ZNF462: variants seen among roughly 807,000 people sequenced by gnomAD.
ZNF462 encodes zinc finger PBX1-interacting protein.
ZNF462 carries 10 observed loss-of-function variants against 201.9 expected under a neutral mutation model. That is an observed-to-expected ratio of 0.05 (90% CI 0.03 to 0.08). ZNF462 has a LOEUF of 0.08. Among genes scored for constraint, ZNF462 ranks in the 10% least tolerant of loss-of-function variants. The pLI is 1.00. For synonymous variants in ZNF462, 1,227 were observed against 1,193.3 expected (o/e 1.03, Z -0.58); for missense variants, 2,523 against 3,168.3 (o/e 0.80, Z 4.89).
chr9:106,898,824 G>A (rs1247782344), intron 1 of ZNF462, among the ~76,000 whole-genome samples: 3 of 152,116 alleles, frequency 2.0e-5, no homozygotes, highest in Non-Finnish European at 4.4e-5. Context: ...GGTTGTTGCT[G>A]ACCATGATGA....
intron 7 of ZNF462, among the ~76,000 whole-genome samples, chr9:106,949,719 ATTCTT>A (rs1245585568): frequency 4.6e-5 from 7 of 151,990 alleles, no homozygotes; most frequent in African/African-American, 1.7e-4. Flanking sequence ...CTTTTGGAGT[ATTCTT>A]TTGTCTTCCT....
intron 10 of ZNF462, among the ~76,000 whole-genome samples, chr9:106,996,732 T>C (rs138003631): frequency 0.022 from 3,383 of 152,266 alleles, 139 homozygotes; most frequent in African/African-American, 0.076. Flanking sequence ...GTCAGATGGG[T>C]AGATTGTAAA....
rs532577551 is a variant in ZNF462, at chr9:106,890,440, C to G, written c.-31+27085C>G. Among the ~76,000 whole-genome samples the G allele has an allele frequency of 7.9e-5, 12 of 152,324 alleles. No individual in the cohort carries two copies. The South Asian group carries it at 2.3e-3, about 29-fold the overall frequency. On this transcript the variant is annotated intron_variant, in intron 1 of 12. Transcript: ENST00000277225. This position sits in a 1 kb window ranked among gnomAD's most constrained non-coding sequence, Gnocchi z 4.2. Reference sequence around the variant, plus strand: ...GAGTCCTTTTTGGGCATACAAAAATCTAGCACTTGAAGCCACTTAATCAAA... The same window carrying G: ...GAGTCCTTTTTGGGCATACAAAAATGTAGCACTTGAAGCCACTTAATCAAA...
rs1356174232 is a variant in ZNF462, at chr9:106,932,366, T to C, written c.6013-80T>C. The C allele has an allele frequency of 1.2e-6, 2 of 1,601,122 alleles. No individual in the cohort carries two copies. The highest frequency in any genetic ancestry group is 1.1e-5 in the South Asian group (1 of 89,276). On this transcript the variant is annotated intron_variant, in intron 4 of 12. Coordinates refer to ENST00000277225, the MANE Select transcript of ZNF462 (RefSeq NM_021224.6). The surrounding 1 kb of genome is among the most constrained non-coding windows in gnomAD (Gnocchi z 6.8). The stretch of plus-strand genomic sequence containing the variant: ...CGGGTGGATGGTGAACACTGCTTGC[T>C]TGATGGAATGTTGGAGGATGAAACC...
intron 1 of ZNF462, among the ~76,000 whole-genome samples, chr9:106,881,922 A>G (rs560830033): frequency 6.6e-6 from 1 of 152,158 alleles, no homozygotes; most frequent in South Asian, 2.1e-4. Context: ...TTTTGTTTTG[A>G]CTATTGCTAC....
intron 9 of ZNF462, among the ~76,000 whole-genome samples, chr9:106,983,974 A>G (rs564778615): frequency 5.3e-5 from 8 of 152,138 alleles, no homozygotes; most frequent in African/African-American, 1.9e-4. Flanking sequence ...TAAGTACACA[A>G]AGAGCTTTTG....
In ZNF462 at chr9:106,924,845, G is replaced by A; in HGVS notation, c.933G>A (p.Glu311=). Residue 311 remains glutamate, a synonymous_variant, in exon 3 of 13, where the codon GAG becomes GAA. Transcript: ENST00000277225. This position sits in a 1 kb window ranked among gnomAD's most constrained non-coding sequence, Gnocchi z 6.2. ...TYLTMNAASR[E]IPNTTVSNFR... ...TGACCATGAATGCTGCAAGCCGGGA[G>A]ATACCCAATACTACCGTCTCCAACT... 1 of 1,614,186 alleles carries A rather than the reference G, an allele frequency of 6.2e-7. No homozygotes were observed. Among genetic ancestry groups the A allele is most frequent in the Non-Finnish European group, 8.5e-7 (1 of 1,180,048 alleles).
At chr9:106,863,685 G>T (rs986432653) in intron 1 of ZNF462, among the ~76,000 whole-genome samples, 3 of 152,094 alleles carry the variant, frequency 2.0e-5, no homozygotes, top group Non-Finnish European at 4.4e-5. Context: ...TGCTGCTCCT[G>T]CTGGGGGGAG....
At position 106,913,128 on chromosome 9, in the gene ZNF462, G is replaced by A. The variant is rs1220412590; in HGVS notation, c.-30-10226G>A. ...AGCCAGAGGCAGCTTCTCCATGGAT[G>A]ATGAGGAAAAGGAGGATGGTCATTT... On this transcript the variant is annotated intron_variant, in intron 1 of 12. Coordinates refer to ENST00000277225, the MANE Select transcript of ZNF462 (RefSeq NM_021224.6). This position sits in a 1 kb window ranked among gnomAD's most constrained non-coding sequence, Gnocchi z 4.1. Among the ~76,000 whole-genome samples, 1 of 152,200 alleles carries A rather than the reference G, an allele frequency of 6.6e-6. No individual in the cohort carries two copies. The highest frequency in any genetic ancestry group is 1.5e-5 in the Non-Finnish European group (1 of 68,036).
rs1397081666 is a variant in ZNF462 at position 107,012,391 on chromosome 9, A to T, written c.*1361A>T. On this transcript the variant is annotated 3_prime_UTR_variant, in exon 13 of 13. Transcript: ENST00000277225. ...CCCATCCCTTTCGTGAGAGTGGACA[A>T]GAAATAACATATCCTACAAGGAGCC... 2 of 136,326 alleles carry T rather than the reference A, an allele frequency of 1.5e-5. No homozygotes were observed. The highest frequency in any genetic ancestry group is 3.0e-5 in the Non-Finnish European group (2 of 67,572). 8.4% of individuals were successfully genotyped at this position (136,326 alleles called of 1,614,324 possible).
At position 106,924,583 on chromosome 9, in the gene ZNF462, T is replaced by C; in HGVS notation, c.671T>C (p.Val224Ala). 6.2e-7 allele frequency: 1 copy of C among 1,614,188 alleles called. No homozygotes were observed. The highest frequency in any genetic ancestry group is 8.5e-7 in the Non-Finnish European group (1 of 1,180,038). Residue 224 changes from valine to alanine, a missense_variant, in exon 3 of 13, where the codon GTG (valine) becomes GCG (alanine). This residue lies in a region of ZNF462 where 480 missense variants were observed against 544.4 expected (regional missense o/e 0.88). Coordinates refer to ENST00000277225, the MANE Select transcript of ZNF462 (RefSeq NM_021224.6). The surrounding 1 kb of genome is among the most constrained non-coding windows in gnomAD (Gnocchi z 6.2). ...DPCKELPAEV[V>A]ERSILESMVK... ...TGCAAGGAACTGCCAGCAGAGGTTG[T>C]GGAGCGCAGCATCTTAGAGTCTATG...
intron 7 of ZNF462, among the ~76,000 whole-genome samples, chr9:106,939,883 A>G (rs747389611): frequency 2.4e-4 from 37 of 152,224 alleles, no homozygotes; most frequent in Non-Finnish European, 1.2e-4. Flanking sequence ...GCTGCTTAGA[A>G]GAGAAGGAGA....
At chr9:106,969,001 G>T (rs1007744411) in intron 7 of ZNF462, among the ~76,000 whole-genome samples, 1 of 152,142 alleles carries the variant, frequency 6.6e-6, no homozygotes, top group Non-Finnish European at 1.5e-5. Flanking sequence ...TCGGTGGAAT[G>T]ATACACACTC....
chr9:107,006,802 T>G lies in ZNF462; in HGVS notation c.7190-2743T>G, dbSNP rs1280243842. Among the ~76,000 whole-genome samples, 1 of 152,198 alleles carries G rather than the reference T, an allele frequency of 6.6e-6. No individual in the cohort carries two copies. The highest frequency in any genetic ancestry group is 1.5e-5 in the Non-Finnish European group (1 of 68,028). On this transcript the variant is annotated intron_variant, in intron 11 of 12. Coordinates refer to ENST00000277225, the MANE Select transcript of ZNF462 (RefSeq NM_021224.6). The surrounding 1 kb of genome is among the most constrained non-coding windows in gnomAD (Gnocchi z 4.3). Reference sequence around the variant, plus strand: ...AGGTACACTACCCTTTCAAAAACCCTGTGCCTGTATTAACCTGAAAAATAC... The same window carrying G: ...AGGTACACTACCCTTTCAAAAACCCGGTGCCTGTATTAACCTGAAAAATAC...
intron 7 of ZNF462, among the ~76,000 whole-genome samples, chr9:106,956,725 A>G (rs1831592100): frequency 6.6e-6 from 1 of 152,156 alleles, no homozygotes; most frequent in African/African-American, 2.4e-5. Flanking sequence ...TGCAGCTTCT[A>G]CGTCAGCACT....
rs1226952967 is a variant in ZNF462 at position 106,917,452 on chromosome 9, A to G, written c.-30-5902A>G. On this transcript the variant is annotated intron_variant, in intron 1 of 12. Transcript: ENST00000277225. This position sits in a 1 kb window ranked among gnomAD's most constrained non-coding sequence, Gnocchi z 4.5. Reference sequence around the variant, plus strand: ...CCCACAGATGGACCAGGCCAACTGTATACAACAGAGGCCACATGCATTGGC... The same window carrying G: ...CCCACAGATGGACCAGGCCAACTGTGTACAACAGAGGCCACATGCATTGGC... Among the ~76,000 whole-genome samples, 1 of 152,224 alleles carries G rather than the reference A, an allele frequency of 6.6e-6. No homozygotes were observed. Among genetic ancestry groups the G allele is most frequent in the African/African-American group, 2.4e-5 (1 of 41,446 alleles).
At position 106,933,016 on chromosome 9, in the gene ZNF462, A is replaced by G. The variant is rs917814156; in HGVS notation, c.6116+467A>G. Among the ~76,000 whole-genome samples, 14 of 152,236 alleles carry G rather than the reference A, an allele frequency of 9.2e-5. No homozygotes were observed. Among genetic ancestry groups the G allele is most frequent in the African/African-American group, 2.7e-4 (11 of 41,452 alleles). On this transcript the variant is annotated intron_variant, in intron 5 of 12. Transcript: ENST00000277225. This position sits in a 1 kb window ranked among gnomAD's most constrained non-coding sequence, Gnocchi z 4.3. ...AAAGGTAAAGAAGTTCATGGATGCC[A>G]AAGAGTTGCTTGACATACAGGGAGA...
rs1375182651 is a variant in ZNF462 at position 106,927,878 on chromosome 9, G to A, written c.3966G>A (p.Thr1322=). 4 of 1,613,984 alleles carry A rather than the reference G, an allele frequency of 2.5e-6. No homozygotes were observed. The highest frequency in any genetic ancestry group is 3.4e-6 in the Non-Finnish European group (4 of 1,180,042). ...GCGAGTGGTGCATCTACTCCCATAC[G>A]GAGCCCAACGGTTTGCTCCTGCATT... ...YHCEWCIYSH[T]EPNGLLLHYQ... is the part of the protein sequence containing the mutation. The change falls in exon 3 of 13, where the codon ACG becomes ACA. Residue 1322 remains threonine (T), a synonymous_variant. Coordinates refer to ENST00000277225, the MANE Select transcript of ZNF462 (RefSeq NM_021224.6).
At chr9:106,971,836 C>G (rs1389650875) in intron 7 of ZNF462, among the ~76,000 whole-genome samples, 169 bp from the exon 8 acceptor site, 1 of 152,114 alleles carries the variant, frequency 6.6e-6, no homozygotes, top group Non-Finnish European at 1.5e-5. Flanking sequence ...ACAACAGATA[C>G]ATATATCAAA....
Sources: allele counts gnomAD v4.1 joint callset (sites outside exome capture counted in the v4.1 genomes callset), GRCh38; gene constraint gnomAD v4.1.1; regional missense constraint gnomAD v4.1.1; non-coding constraint Gnocchi (gnomAD v3.1); transcripts MANE v1.5; gene names NCBI Gene and HGNC (gene_info 2026-07-23, HGNC 2026-07-21).